TMEM117: variants seen among roughly 807,000 people sequenced by gnomAD.
The protein encoded by TMEM117 is transmembrane protein 117.
A neutral mutation model predicts 52.4 loss-of-function variants in TMEM117; 27 were observed. That is an observed-to-expected ratio of 0.51 (90% CI 0.38 to 0.71). The LOEUF (loss-of-function observed/expected upper bound fraction) is 0.71. TMEM117 is among the 30% of genes least tolerant of loss of function. The pLI is 0.00. For missense variants in TMEM117, 556 were observed against 630.5 expected, an observed-to-expected ratio of 0.88 and a Z score of 1.26; for synonymous variants, 215 against 206.3, an observed-to-expected ratio of 1.04 and a Z score of -0.36.
At chr12:43,943,643 T>A (rs1380038326) in intron 2 of TMEM117, among the ~76,000 whole-genome samples, 1 of 152,202 alleles carries the variant, frequency 6.6e-6, no homozygotes, top group Admixed American at 6.5e-5. Context: ...TATGCACTTG[T>A]GTTTGTACTT....
rs1592343795 is a variant in TMEM117, at chr12:43,897,874, A to G, written c.278-46336A>G. 2.0e-5 allele frequency among the ~76,000 whole-genome samples: 3 copies of G among 152,206 alleles called. No individual in the cohort carries two copies. In the East Asian group the frequency reaches 5.8e-4, roughly 29 times the overall value. On this transcript the variant is annotated intron_variant, in intron 2 of 7. Coordinates refer to ENST00000266534, the MANE Select transcript of TMEM117 (RefSeq NM_032256.3). ...GATCCACTCCAGCTTTGGCCTTCCA[A>G]AATGCTGGGATTACAGGCATGAGCC...
At position 44,234,632 on chromosome 12, in the gene TMEM117, T is replaced by A. The variant is rs184875196; in HGVS notation, c.608+23245T>A. On this transcript the variant is annotated intron_variant, in intron 5 of 7. Transcript: ENST00000266534. ...TTTAATTCTCCTTATTTCCTACATT[T>A]TTTTTGCTGTTTCTTTTCATTATAC... Among the ~76,000 whole-genome samples, 257 of 151,570 alleles carry A rather than the reference T, an allele frequency of 1.7e-3. 1 individual carries two copies. Among genetic ancestry groups the A allele is most frequent in the African/African-American group, 5.8e-3 (241 of 41,522 alleles).
chr12:44,196,457 A>G (rs1455879000), intron 4 of TMEM117, among the ~76,000 whole-genome samples: 7 of 152,224 alleles, frequency 4.6e-5, no homozygotes, highest in African/African-American at 1.7e-4. Context: ...ATATGCTTCA[A>G]TACAGAAAAA....
downstream of TMEM117, among the ~76,000 whole-genome samples, chr12:44,391,044 A>G (rs1366088355): frequency 6.6e-6 from 1 of 152,156 alleles, no homozygotes; most frequent in Non-Finnish European, 1.5e-5. Context: ...TACTAAGCAC[A>G]GATTCTAAAG....
chr12:44,041,707 A>G (rs1946801586), intron 3 of TMEM117, among the ~76,000 whole-genome samples: 1 of 152,220 alleles, frequency 6.6e-6, no homozygotes, highest in Non-Finnish European at 1.5e-5. Flanking sequence ...ATGAACATAG[A>G]TACAAAATTC....
Position 44,388,101 on chromosome 12 carries a change from A to G in TMEM117, c.974A>G (p.Tyr325Cys). The stretch of plus-strand genomic sequence containing the variant: ...AATATGTGGAAGAACCAAATATTTT[A>G]TAAACCTCATGAATATGGGCAATAT... ...DLNMWKNQIFYKPHEYGQYIG... is the reference protein window; with the variant it reads ...DLNMWKNQIFCKPHEYGQYIG... The change falls in exon 8 of 8, where the codon TAT (tyrosine) becomes TGT (cysteine). Residue 325 changes from tyrosine (Y) to cysteine (C), a missense_variant. Tyr to Cys is a radical substitution (Grantham distance 194). Coordinates refer to ENST00000266534, the MANE Select transcript of TMEM117 (RefSeq NM_032256.3). 1 of 1,612,930 alleles carries G rather than the reference A, an allele frequency of 6.2e-7. No individual in the cohort carries two copies. The highest frequency in any genetic ancestry group is 8.5e-7 in the Non-Finnish European group (1 of 1,179,412).
At chr12:44,386,602 T>A (rs1018293656) in intron 7 of TMEM117, among the ~76,000 whole-genome samples, 1 of 152,114 alleles carries the variant, frequency 6.6e-6, no homozygotes, top group Non-Finnish European at 1.5e-5. Context: ...GCTTTCGTGA[T>A]GATAATTATA....
At chr12:43,824,123 C>T in the TMEM117 span, among the ~76,000 whole-genome samples, 1 of 152,142 alleles carries the variant, frequency 6.6e-6, no homozygotes, top group Admixed American at 6.5e-5. Context: ...TGAGAAAGTT[C>T]ATTACTTGAA....
chr12:43,925,780 G>A (rs920678183), intron 2 of TMEM117, among the ~76,000 whole-genome samples: 6 of 152,236 alleles, frequency 3.9e-5, no homozygotes, highest in African/African-American at 1.4e-4. Context: ...ATCTGGTGGG[G>A]CTTAGACCAG....
intron 3 of TMEM117, among the ~76,000 whole-genome samples, chr12:44,063,006 G>A (rs1287047314): frequency 6.6e-6 from 1 of 152,150 alleles, no homozygotes; most frequent in African/African-American, 2.4e-5. Context: ...GGCCTCATGG[G>A]TGAAATGATG....
At chr12:44,196,576 T>C (rs1270993177) in intron 4 of TMEM117, among the ~76,000 whole-genome samples, 1 of 152,204 alleles carries the variant, frequency 6.6e-6, no homozygotes, top group South Asian at 2.1e-4. Flanking sequence ...CTTGATGTAA[T>C]CTTAAAAATA....
intron 5 of TMEM117, among the ~76,000 whole-genome samples, chr12:44,293,260 A>G (rs1051073679): frequency 6.6e-6 from 1 of 151,900 alleles, no homozygotes; most frequent in Non-Finnish European, 1.5e-5. Flanking sequence ...TTTGGTTACC[A>G]TTTGATTAGA....
intron 3 of TMEM117, among the ~76,000 whole-genome samples, chr12:44,134,230 T>C (rs1948456406): frequency 6.6e-6 from 1 of 152,172 alleles, no homozygotes; most frequent in African/African-American, 2.4e-5. Flanking sequence ...TTTTGTGTTT[T>C]TGAGACAGGT....
chr12:43,960,353 A>G (rs1253317866), intron 3 of TMEM117, among the ~76,000 whole-genome samples: 1 of 152,010 alleles, frequency 6.6e-6, no homozygotes, highest in East Asian at 1.9e-4. Flanking sequence ...GAGGAAGAAG[A>G]AAGAGAATGA....
intron 3 of TMEM117, among the ~76,000 whole-genome samples, chr12:44,081,890 A>G (rs1166481623): frequency 6.6e-6 from 1 of 152,084 alleles, no homozygotes; most frequent in Non-Finnish European, 1.5e-5. Flanking sequence ...TTAGAGCCAG[A>G]ACCACAATTA....
chr12:44,102,969 G>A (rs1293744281), intron 3 of TMEM117, among the ~76,000 whole-genome samples: 2 of 151,932 alleles, frequency 1.3e-5, no homozygotes, highest in African/African-American at 2.4e-5. Context: ...AGAAGGACAT[G>A]TTTGCTTCCC....
chr12:44,395,129 T>C, the TMEM117 span, among the ~76,000 whole-genome samples: 2 of 152,190 alleles, frequency 1.3e-5, no homozygotes, highest in African/African-American at 2.4e-5. Flanking sequence ...GAAAGATAAC[T>C]CTAACAATTA....
chr12:44,289,414 G>A (rs1262141996), intron 5 of TMEM117, among the ~76,000 whole-genome samples: 1 of 151,894 alleles, frequency 6.6e-6, no homozygotes, highest in Non-Finnish European at 1.5e-5. Flanking sequence ...ATTCAGAAGT[G>A]GATTTGCTGG....
intron 3 of TMEM117, among the ~76,000 whole-genome samples, chr12:44,137,161 G>T: frequency 6.6e-6 from 1 of 151,668 alleles, no homozygotes. Flanking sequence ...GGAGAGAAGG[G>T]CAATGTAAGA....
Sources: allele counts gnomAD v4.1 joint callset (sites outside exome capture counted in the v4.1 genomes callset), GRCh38; gene constraint gnomAD v4.1.1; transcripts MANE v1.5; gene names NCBI Gene and HGNC (gene_info 2026-07-23, HGNC 2026-07-21).